The following RALYL variants were observed in gnomAD, a reference collection of about 807,000 sequenced individuals.
The protein encoded by RALYL is RNA-binding Raly-like protein.
Under a neutral mutation model 35.1 loss-of-function variants are expected in RALYL, and 29 were observed. The ratio of observed to expected loss-of-function variants is 0.83; its 90% CI spans 0.61 to 1.13. The LOEUF (loss-of-function observed/expected upper bound fraction) is 1.13, where lower values mean the gene tolerates loss of function less well. RALYL is among the 50% of genes most tolerant of loss of function. The pLI is 0.00. For synonymous variants in RALYL, 120 were observed against 127.6 expected (o/e 0.94, Z 0.40); for missense variants, 359 against 360.4 (o/e 1.00, Z 0.03).
At chr8:84,249,875 GT>G (rs35180639) in intron 1 of RALYL, among the ~76,000 whole-genome samples, 34 of 148,944 alleles carry the variant, frequency 2.3e-4, no homozygotes, top group African/African-American at 4.2e-4. Flanking sequence ...GAGTTCAAAG[GT>G]TTTTTTTTTC....
intron 1 of RALYL, among the ~76,000 whole-genome samples, chr8:84,235,767 C>CTTTTTTTTTTTTTTTTTTTT (rs556495836): frequency 2.4e-5 from 3 of 126,936 alleles, no homozygotes; most frequent in Non-Finnish European, 4.9e-5. Flanking sequence ...TTTTCTTTTT[C>CTTTTTTTTTTTTTTTTTTTT]TTTTTTTTTT....
intron 1 of RALYL, among the ~76,000 whole-genome samples, chr8:84,215,152 A>T (rs1332777561): frequency 1.3e-5 from 2 of 152,066 alleles, no homozygotes; most frequent in African/African-American, 4.8e-5. Context: ...ACAAGAAAAA[A>T]CACTGATTTA....
chr8:84,560,064 T>C (rs1398972672), intron 2 of RALYL, among the ~76,000 whole-genome samples: 1 of 151,730 alleles, frequency 6.6e-6, no homozygotes, highest in Admixed American at 6.6e-5. Flanking sequence ...TGAGAGTTTA[T>C]AATTTCCATG....
chr8:84,760,479 T>A (rs945088759), intron 2 of RALYL, among the ~76,000 whole-genome samples: 1 of 152,036 alleles, frequency 6.6e-6, no homozygotes. Flanking sequence ...AATACAAAAA[T>A]TTTTGTGATA....
At chr8:84,782,965 G>C (rs1167930616) in intron 3 of RALYL, among the ~76,000 whole-genome samples, 1 of 117,040 alleles carries the variant, frequency 8.5e-6, no homozygotes, top group Non-Finnish European at 1.8e-5. Context: ...AGAGAATGTA[G>C]GGTCTTGAGC....
chr8:84,786,814 G>T (rs952359423), intron 3 of RALYL, among the ~76,000 whole-genome samples: 1 of 152,078 alleles, frequency 6.6e-6, no homozygotes, highest in Non-Finnish European at 1.5e-5. Flanking sequence ...CTTTTGCTGT[G>T]CAGAAAATCT....
chr8:84,361,430 G>A (rs1852999531), intron 1 of RALYL, among the ~76,000 whole-genome samples: 1 of 152,278 alleles, frequency 6.6e-6, no homozygotes, highest in South Asian at 2.1e-4. Context: ...GGCATTGGAA[G>A]AAATTGTACA....
chr8:84,504,319 T>C (rs2056976921), intron 1 of RALYL, among the ~76,000 whole-genome samples: 1 of 152,116 alleles, frequency 6.6e-6, no homozygotes, highest in Admixed American at 6.6e-5. Context: ...TTGTTCATAT[T>C]GAATACTTTT....
chr8:84,405,026 A>T (rs190335203), intron 1 of RALYL, among the ~76,000 whole-genome samples: 1 of 152,336 alleles, frequency 6.6e-6, no homozygotes, highest in East Asian at 1.9e-4. Flanking sequence ...GTCAGACCAC[A>T]GGGTAAGCAA....
At chr8:84,619,201 G>A (rs188250770) in intron 2 of RALYL, among the ~76,000 whole-genome samples, 2,433 of 151,840 alleles carry the variant, frequency 0.016, 36 homozygotes, top group Middle Eastern at 0.048. Context: ...GGGTGTTAAA[G>A]TCTCCCATTA....
At chr8:84,515,974 A>G (rs531011959) in intron 1 of RALYL, among the ~76,000 whole-genome samples, 73 of 125,764 alleles carry the variant, frequency 5.8e-4, no homozygotes, top group African/African-American at 2.0e-3. Context: ...TAAAAAGAAT[A>G]TATTCCAGAT....
chr8:84,519,999 C>A (rs963100546), intron 1 of RALYL, among the ~76,000 whole-genome samples: 2 of 152,216 alleles, frequency 1.3e-5, no homozygotes, highest in Admixed American at 1.3e-4. Context: ...ATAGTGTAGA[C>A]ATAGCACCAG....
chr8:84,648,369 G>A (rs1291470124), intron 2 of RALYL, among the ~76,000 whole-genome samples: 1 of 152,076 alleles, frequency 6.6e-6, no homozygotes, highest in Non-Finnish European at 1.5e-5. Context: ...AGGAAGAAAA[G>A]TTTATGTTTT....
intron 1 of RALYL, among the ~76,000 whole-genome samples, chr8:84,346,405 C>T (rs1208404564): frequency 6.6e-6 from 1 of 152,086 alleles, no homozygotes; most frequent in Non-Finnish European, 1.5e-5. Context: ...AGATTAAATA[C>T]ATATGTATTG....
intron 1 of RALYL, among the ~76,000 whole-genome samples, chr8:84,449,473 T>C (rs2049218831): frequency 6.6e-6 from 1 of 152,034 alleles, no homozygotes; most frequent in South Asian, 2.1e-4. Context: ...CTGTATGTTG[T>C]TTGACTAAAT....
At chr8:84,723,577 T>C (rs1250285761) in intron 2 of RALYL, among the ~76,000 whole-genome samples, 1 of 152,002 alleles carries the variant, frequency 6.6e-6, no homozygotes, top group Non-Finnish European at 1.5e-5. Context: ...ATAGGTTTGT[T>C]CTATTGCCCA....
intron 2 of RALYL, among the ~76,000 whole-genome samples, chr8:84,689,430 G>A (rs1230627827): frequency 6.6e-6 from 1 of 152,176 alleles, no homozygotes; most frequent in African/African-American, 2.4e-5. Flanking sequence ...TGGCTGCATA[G>A]TATTCCATGG....
chr8:84,430,139 T>A (rs1178947837), intron 1 of RALYL, among the ~76,000 whole-genome samples: 2 of 152,114 alleles, frequency 1.3e-5, no homozygotes, highest in African/African-American at 4.8e-5. Context: ...AACAACTTGC[T>A]AGTTATATTA....
Position 84,278,227 on chromosome 8 carries a change from G to A in RALYL, c.-24+93803G>A, listed in dbSNP as rs1385370387. Reference sequence around the variant, plus strand: ...CAACACCATGTGTAAACCAGGGCTTGGGGCTTGCACCCTCTGAGCAATGGC... The same window carrying A: ...CAACACCATGTGTAAACCAGGGCTTAGGGCTTGCACCCTCTGAGCAATGGC... On this transcript the variant is annotated intron_variant, in intron 1 of 8. Coordinates refer to ENST00000521268, the MANE Select transcript of RALYL (RefSeq NM_173848.7). Among the ~76,000 whole-genome samples, 4 of 152,364 alleles carry A rather than the reference G, an allele frequency of 2.6e-5. No individual in the cohort carries two copies. In the East Asian group the frequency reaches 7.7e-4, roughly 29 times the overall value.
Sources: allele counts gnomAD v4.1 joint callset (sites outside exome capture counted in the v4.1 genomes callset), GRCh38; gene constraint gnomAD v4.1.1; transcripts MANE v1.5; gene names NCBI Gene and HGNC (gene_info 2026-07-23, HGNC 2026-07-21).